GTF2F2: variants seen among roughly 807,000 people sequenced by gnomAD.
The protein encoded by GTF2F2 is ATP-dependent helicase GTF2F2.
A neutral mutation model predicts 42.2 loss-of-function variants in GTF2F2; 23 were observed. The observed-to-expected ratio is 0.55, with a 90% CI of 0.39 to 0.77. The LOEUF (loss-of-function observed/expected upper bound fraction) is 0.77. Ranked by LOEUF, GTF2F2 falls within the 30% of genes least tolerant of loss-of-function variation. GTF2F2 has a pLI of 0.00. For missense variants in GTF2F2, 261 were observed against 287.2 expected (o/e 0.91, Z 0.66); for synonymous variants, 105 against 100.8 (o/e 1.04, Z -0.25).
At chr13:45,182,900 C>G (rs1413551802) in intron 4 of GTF2F2, among the ~76,000 whole-genome samples, 7 of 152,056 alleles carry the variant, frequency 4.6e-5, no homozygotes, top group Admixed American at 4.6e-4. Context: ...ATTCTCTGTA[C>G]TAGTTTTTTC....
At chr13:45,226,885 TA>T (rs1487961562) in intron 5 of GTF2F2, among the ~76,000 whole-genome samples, 2 of 152,146 alleles carry the variant, frequency 1.3e-5, no homozygotes, top group African/African-American at 4.8e-5. Flanking sequence ...TGTGTTTCTT[TA>T]AAAAATACAA....
chr13:45,258,420 G>A (rs1437107059), intron 6 of GTF2F2, among the ~76,000 whole-genome samples: 5 of 151,252 alleles, frequency 3.3e-5, no homozygotes, highest in Non-Finnish European at 5.9e-5. Context: ...CCTATTGGCA[G>A]AACCCCAGCT....
intron 2 of GTF2F2, among the ~76,000 whole-genome samples, chr13:45,141,147 G>C (rs546099214): frequency 2.9e-4 from 44 of 152,224 alleles, no homozygotes; most frequent in Middle Eastern, 3.4e-3. Context: ...CAGAAATATA[G>C]TATCTCTTTT....
chr13:45,222,215 T>C (rs1874148975), intron 5 of GTF2F2, among the ~76,000 whole-genome samples: 1 of 152,212 alleles, frequency 6.6e-6, no homozygotes, highest in Non-Finnish European at 1.5e-5. Context: ...TAAGTATTCA[T>C]TGCACGAATG....
intron 4 of GTF2F2, among the ~76,000 whole-genome samples, chr13:45,156,648 C>G (rs1419069943): frequency 6.6e-6 from 1 of 151,976 alleles, no homozygotes; most frequent in African/African-American, 2.4e-5. Flanking sequence ...GTTATTTTGA[C>G]AGCTTTTGGT....
At chr13:45,215,632 G>A (rs1247881925) in intron 5 of GTF2F2, among the ~76,000 whole-genome samples, 1 of 151,878 alleles carries the variant, frequency 6.6e-6, no homozygotes, top group Non-Finnish European at 1.5e-5. Context: ...GTAGTGGCAG[G>A]TGCCTGTAAT....
rs548723293 is a variant in GTF2F2, at chr13:45,246,129, C to T, written c.387-6742C>T. ...GTTCACGCCATTCTCCTGCCTCAGCCTCCCGAGTAGCTGGGACTGCAGGCG... is the reference window on the plus strand; with the variant it reads ...GTTCACGCCATTCTCCTGCCTCAGCTTCCCGAGTAGCTGGGACTGCAGGCG... On this transcript the variant is annotated intron_variant, in intron 5 of 7. Transcript: ENST00000340473. 4.6e-5 allele frequency among the ~76,000 whole-genome samples: 7 copies of T among 151,344 alleles called. No homozygotes were observed. In the South Asian group the frequency reaches 1.5e-3, roughly 32 times the overall value.
chr13:45,258,891 G>A (rs542977550), intron 6 of GTF2F2, among the ~76,000 whole-genome samples: 2 of 152,278 alleles, frequency 1.3e-5, no homozygotes, highest in African/African-American at 4.8e-5. Flanking sequence ...GATGCGTAAG[G>A]TTCTTTGCAA....
chr13:45,265,860 A>G (rs574317896), intron 6 of GTF2F2, among the ~76,000 whole-genome samples: 2 of 152,326 alleles, frequency 1.3e-5, no homozygotes, highest in South Asian at 4.1e-4. Context: ...TAATTATTCC[A>G]GCTGACCCAC....
intron 4 of GTF2F2, among the ~76,000 whole-genome samples, chr13:45,170,127 G>A (rs546709657): frequency 2.0e-5 from 3 of 152,242 alleles, no homozygotes; most frequent in South Asian, 4.2e-4. Context: ...GGGCTCAAGC[G>A]ATCTTCCCAC....
At chr13:45,245,919 C>T (rs1166806393) in intron 5 of GTF2F2, among the ~76,000 whole-genome samples, 3 of 135,286 alleles carry the variant, frequency 2.2e-5, no homozygotes, top group Non-Finnish European at 4.7e-5. Flanking sequence ...CCAGCCTGGG[C>T]GACTAGCGAG....
At chr13:45,169,786 T>C (rs1871502164) in intron 4 of GTF2F2, among the ~76,000 whole-genome samples, 1 of 152,202 alleles carries the variant, frequency 6.6e-6, no homozygotes, top group African/African-American at 2.4e-5. Flanking sequence ...ATGGATCCAG[T>C]ATCAAATTTT....
chr13:45,235,796 G>C (rs1475643872), intron 5 of GTF2F2, among the ~76,000 whole-genome samples: 1 of 151,704 alleles, frequency 6.6e-6, no homozygotes, highest in African/African-American at 2.4e-5. Flanking sequence ...GTAGAGACGG[G>C]GTTTCACCAT....
At chr13:45,207,881 G>T (rs909067133) in intron 5 of GTF2F2, among the ~76,000 whole-genome samples, 1 of 152,210 alleles carries the variant, frequency 6.6e-6, no homozygotes, top group African/African-American at 2.4e-5. Flanking sequence ...ACTGGGCCAG[G>T]CATGGTGGCA....
chr13:45,123,999 TG>T, intron 1 of GTF2F2: 1 of 1,054,928 alleles, frequency 9.5e-7, no homozygotes, highest in Non-Finnish European at 1.4e-6. Flanking sequence ...CTGGGGCTGG[TG>T]GTCCAGGGGT....
chr13:45,260,746 G>T (rs549318085), intron 6 of GTF2F2, among the ~76,000 whole-genome samples: 4 of 152,200 alleles, frequency 2.6e-5, no homozygotes, highest in African/African-American at 9.7e-5. Flanking sequence ...TAGGCTGGGC[G>T]TGGTGGTTCA....
intron 4 of GTF2F2, among the ~76,000 whole-genome samples, chr13:45,177,712 G>A (rs1301473063): frequency 2.6e-5 from 4 of 152,124 alleles, no homozygotes; most frequent in Non-Finnish European, 5.9e-5. Context: ...AAATGAAAAA[G>A]TAAGAGTTCC....
chr13:45,131,012 G>T (rs2138092833), intron 1 of GTF2F2, among the ~76,000 whole-genome samples: 1 of 152,274 alleles, frequency 6.6e-6, no homozygotes, highest in South Asian at 2.1e-4. Flanking sequence ...CAGCACTTTG[G>T]GAGGCTGAGG....
At chr13:45,146,742 G>A (rs1481379176) in intron 2 of GTF2F2, among the ~76,000 whole-genome samples, 1 of 152,178 alleles carries the variant, frequency 6.6e-6, no homozygotes, top group East Asian at 1.9e-4. Flanking sequence ...AATAGACTCA[G>A]AGTAGTAAAG....
Sources: allele counts gnomAD v4.1 joint callset (sites outside exome capture counted in the v4.1 genomes callset), GRCh38; gene constraint gnomAD v4.1.1; transcripts MANE v1.5; gene names NCBI Gene and HGNC (gene_info 2026-07-23, HGNC 2026-07-21).